COL12A1: variants seen among roughly 807,000 people sequenced by gnomAD.
COL12A1 encodes collagen alpha-1(XII) chain.
In COL12A1, 114 loss-of-function variants were observed where a neutral mutation model predicts 349.7. That is an observed-to-expected ratio of 0.33 (90% CI 0.28 to 0.38). The LOEUF (loss-of-function observed/expected upper bound fraction) is 0.38, where lower values mean the gene tolerates loss of function less well. Among genes scored for constraint, COL12A1 ranks in the 10% least tolerant of loss-of-function variants. The probability of loss-of-function intolerance (pLI) is 1.00; values close to 1 mark genes in which losing one functional copy is unlikely to be tolerated. For missense variants in COL12A1, 3,284 were observed against 3,756.9 expected (o/e 0.87, Z 3.29); for synonymous variants, 1,369 against 1,329.0 (o/e 1.03, Z -0.66).
chr6:75,105,123 T>A, intron 54 of COL12A1, 83 bp downstream of exon 54: 3 of 1,173,144 alleles, frequency 2.6e-6, no homozygotes, highest in South Asian at 2.8e-5. Flanking sequence ...ATTGAAGTAT[T>A]TTACTGACTC....
chr6:75,159,378 C>T (rs1028602753), intron 14 of COL12A1, among the ~76,000 whole-genome samples: 6 of 147,368 alleles, frequency 4.1e-5, no homozygotes, highest in Non-Finnish European at 7.5e-5. Context: ...TTATTATTCT[C>T]CAGGTACGTG....
rs368106123 is a variant in COL12A1, at chr6:75,151,124, C to T, written c.4147+17G>A. On this transcript the variant is annotated intron_variant, in intron 21 of 65. Transcript: ENST00000322507. ...TACCAGCAGTGCTGAGGGAGAGAAACTCTGGGTTAAACTTACCTGGACCTT... is the reference window on the plus strand; with the variant it reads ...TACCAGCAGTGCTGAGGGAGAGAAATTCTGGGTTAAACTTACCTGGACCTT... The T allele has an allele frequency of 1.3e-5, 16 of 1,232,492 alleles. No individual in the cohort carries two copies. Among genetic ancestry groups the T allele is most frequent in the Non-Finnish European group, 1.7e-5 (16 of 954,424 alleles). The allele number at this position is 1,232,492 out of a possible 1,614,324, so 76.3% of individuals were successfully genotyped here.
rs184585202 is a variant in COL12A1, at chr6:75,133,887, C to T, written c.5635G>A (p.Ala1879Thr). ...TCCTCTGGACCACCTGCTGCTGGTGCATAGAAGAGCTTGTACTGACGAGGA... is the reference window on the plus strand; with the variant it reads ...TCCTCTGGACCACCTGCTGCTGGTGTATAGAAGAGCTTGTACTGACGAGGA... ...GNPRQYKLFYAPAAGGPEELV... is the reference protein window; with the variant it reads ...GNPRQYKLFYTPAAGGPEELV... The change falls in exon 33 of 66, where the codon GCA becomes ACA. Residue 1879 changes from alanine (A) to threonine (T), a missense_variant. By Grantham distance (58) the Ala-to-Thr change is moderately conservative. Transcript: ENST00000322507. The T allele has an allele frequency of 6.0e-5, 97 of 1,614,068 alleles. No individual in the cohort carries two copies. The African/African-American group carries it at 1.0e-3, about 17-fold the overall frequency.
At chr6:75,171,720 A>G (rs1482956664) in intron 13 of COL12A1, among the ~76,000 whole-genome samples, 1 of 152,160 alleles carries the variant, frequency 6.6e-6, no homozygotes, top group Admixed American at 6.5e-5. Flanking sequence ...CACTCCCTGC[A>G]TTTACCATCA....
At chr6:75,163,079 T>C (rs1298263411) in intron 14 of COL12A1, among the ~76,000 whole-genome samples, 1 of 152,180 alleles carries the variant, frequency 6.6e-6, no homozygotes, top group African/African-American at 2.4e-5. Flanking sequence ...GTAAATTAGT[T>C]CAACCAATGT....
chr6:75,102,937 A>T (rs1040264419), intron 55 of COL12A1, among the ~76,000 whole-genome samples: 2 of 152,344 alleles, frequency 1.3e-5, no homozygotes, highest in African/African-American at 4.8e-5. Flanking sequence ...GATTTTTTAA[A>T]TAAAATACAT....
Position 75,152,135 on chromosome 6 carries a change from G to C in COL12A1, c.3831C>G (p.Leu1277=). The C allele has an allele frequency of 2.5e-6, 4 of 1,613,820 alleles. No individual in the cohort carries two copies. Among genetic ancestry groups the C allele is most frequent in the Non-Finnish European group, 3.4e-6 (4 of 1,179,822 alleles). ...ANLPYKGGNT[L]TGMALNFIRQ... is the part of the protein sequence containing the mutation. ...TGTCAGACAGTCCTTACTCACCTGT[G>C]AGAGTATTGCCTCCTTTGTACGGCA... Residue 1277 remains leucine, a synonymous_variant, in exon 19 of 66, where the codon CTC becomes CTG. Transcript: ENST00000322507.
intron 53 of COL12A1, among the ~76,000 whole-genome samples, chr6:75,105,893 T>A (rs1768520441): frequency 6.6e-6 from 1 of 152,154 alleles, no homozygotes; most frequent in South Asian, 2.1e-4. Flanking sequence ...AGGTGCTCAA[T>A]AAATATTTGC....
At chr6:75,192,592 A>G (rs991061224) in intron 3 of COL12A1, among the ~76,000 whole-genome samples, 8 of 152,104 alleles carry the variant, frequency 5.3e-5, no homozygotes, top group African/African-American at 1.9e-4. Flanking sequence ...CTTGTTTGAG[A>G]ATTCAAGACA....
chr6:75,114,395 AG>A (rs35356604), intron 49 of COL12A1, among the ~76,000 whole-genome samples: 3 of 152,054 alleles, frequency 2.0e-5, no homozygotes, highest in Non-Finnish European at 4.4e-5. Flanking sequence ...ATTGATTGAA[AG>A]GAAATGTTTA....
chr6:75,188,297 A>G, intron 8 of COL12A1, 65 bp downstream of exon 8: 1 of 1,466,294 alleles, frequency 6.8e-7, no homozygotes, highest in Non-Finnish European at 9.2e-7. Flanking sequence ...TACTTCTAAG[A>G]TAACTATAAA....
intron 14 of COL12A1, among the ~76,000 whole-genome samples, chr6:75,157,890 C>T (rs1170000292): frequency 6.6e-6 from 1 of 152,076 alleles, no homozygotes; most frequent in Non-Finnish European, 1.5e-5. Context: ...GTAGGGAGAT[C>T]ATGTAGGATA....
intron 13 of COL12A1, among the ~76,000 whole-genome samples, chr6:75,172,804 G>A (rs1768704760): frequency 6.6e-6 from 1 of 152,160 alleles, no homozygotes; most frequent in Non-Finnish European, 1.5e-5. Flanking sequence ...TTTGCACTGT[G>A]AAGGTCCACT....
rs776701367 is a variant in COL12A1, at chr6:75,125,185, A to T, written c.6549T>A (p.Asn2183Lys). Residue 2183 changes from asparagine (N) to lysine (K), a missense_variant, in exon 40 of 66, where the codon AAT becomes AAA. Around this residue, in one of 2 missense-constraint regions of COL12A1, gnomAD observed 2,601 missense variants for 2,824.8 expected, o/e 0.92. Coordinates refer to ENST00000322507, the MANE Select transcript of COL12A1 (RefSeq NM_004370.6). Reference sequence around the variant, plus strand: ...GTCCAGAATCATATTGAGCATAAACATTCACATCGTAGGTGGTGCTGGGAT... The same window carrying T: ...GTCCAGAATCATATTGAGCATAAACTTTCACATCGTAGGTGGTGCTGGGAT... Reference protein sequence around the residue: ...NLNPSTTYDVNVYAQYDSGLS... With the variant: ...NLNPSTTYDVKVYAQYDSGLS... 12 of 1,612,424 alleles carry T rather than the reference A, an allele frequency of 7.4e-6. No homozygotes were observed. Among genetic ancestry groups the T allele is most frequent in the Admixed American group, 6.7e-5 (4 of 59,878 alleles).
intron 65 of COL12A1, among the ~76,000 whole-genome samples, chr6:75,086,989 A>C (rs951943261): frequency 3.9e-5 from 6 of 152,150 alleles, no homozygotes; most frequent in Non-Finnish European, 7.3e-5. Context: ...CCAGATTGGC[A>C]TATCTACCCA....
chr6:75,137,969 G>A (rs566893876), intron 30 of COL12A1, among the ~76,000 whole-genome samples: 1 of 152,112 alleles, frequency 6.6e-6, no homozygotes, highest in Admixed American at 6.5e-5. Flanking sequence ...GAGAGACCGA[G>A]AAAGGGGCTG....
Position 75,108,883 on chromosome 6 carries a change from G to C in COL12A1, c.8100+135C>G. 4.5e-6 allele frequency: 4 copies of C among 893,974 alleles called. No individual in the cohort carries two copies. In the South Asian group the frequency reaches 6.4e-5, roughly 14 times the overall value. 55.4% of individuals were successfully genotyped at this position (893,974 alleles called of 1,614,324 possible). A position where few individuals can be genotyped will look rare whatever the true frequency, so the allele number is the denominator to read the frequency against. ...CTCAATGTACTTCTTCCAATGTTTT[G>C]ATCTGACCAAGAAATTTGACAACTT... On this transcript the variant is annotated intron_variant, in intron 52 of 65. Coordinates refer to ENST00000322507, the MANE Select transcript of COL12A1 (RefSeq NM_004370.6).
Position 75,142,128 on chromosome 6 carries a change from G to A in COL12A1, c.4861C>T (p.Leu1621Phe). The A allele has an allele frequency of 6.2e-7, 1 of 1,614,102 alleles. No individual in the cohort carries two copies. Among genetic ancestry groups the A allele is most frequent in the Non-Finnish European group, 8.5e-7 (1 of 1,179,980 alleles). Residue 1621 changes from leucine (L) to phenylalanine (F), a missense_variant, in exon 27 of 66, where the codon CTC (leucine) becomes TTC (phenylalanine). Coordinates refer to ENST00000322507, the MANE Select transcript of COL12A1 (RefSeq NM_004370.6). ...EVDRSETSTS[L>F]KDLFSQTLYT... ...AAGGTCTGTGAGAAGAGGTCTTTGA[G>A]GGAAGTGCTGGTCTCTGATCTGTCC...
intron 2 of COL12A1, among the ~76,000 whole-genome samples, chr6:75,200,778 G>GA (rs1770486913): frequency 6.6e-6 from 1 of 151,754 alleles, no homozygotes; most frequent in East Asian, 1.9e-4. Context: ...ATGGCTACCA[G>GA]AAAAAAATGT....
Sources: allele counts gnomAD v4.1 joint callset (sites outside exome capture counted in the v4.1 genomes callset), GRCh38; gene constraint gnomAD v4.1.1; regional missense constraint gnomAD v4.1.1; transcripts MANE v1.5; gene names NCBI Gene and HGNC (gene_info 2026-07-23, HGNC 2026-07-21).